ZBTB8A: variants seen among roughly 807,000 people sequenced by gnomAD.
ZBTB8A encodes zinc finger and BTB domain-containing protein 8A.
ZBTB8A carries 19 observed loss-of-function variants against 37.8 expected under a neutral mutation model. The observed-to-expected ratio is 0.50, with a 90% CI of 0.35 to 0.74. The LOEUF (loss-of-function observed/expected upper bound fraction) is 0.74. Ranked by LOEUF, ZBTB8A falls within the 30% of genes least tolerant of loss-of-function variation. The pLI is 0.01. For synonymous variants in ZBTB8A, 181 were observed against 185.2 expected, an observed-to-expected ratio of 0.98 and a Z score of 0.19; for missense variants, 394 against 537.8, an observed-to-expected ratio of 0.73 and a Z score of 2.65.
At chr1:32,594,500 C>A (rs139975007) in intron 3 of ZBTB8A, among the ~76,000 whole-genome samples, 60 of 151,788 alleles carry the variant, frequency 4.0e-4, no homozygotes, top group Admixed American at 1.2e-3. Flanking sequence ...CAGTGGCTCA[C>A]GCCTGTAATC....
intron 2 of ZBTB8A, among the ~76,000 whole-genome samples, chr1:32,592,502 T>A (rs942488976): frequency 9.2e-5 from 14 of 151,802 alleles, no homozygotes; most frequent in Admixed American, 3.3e-4. Context: ...TTTGTTTGTT[T>A]GTTTTTGGGG....
intron 3 of ZBTB8A, 89 bp from the exon 4 acceptor site, chr1:32,594,965 C>A (rs765580025): frequency 8.4e-7 from 1 of 1,193,054 alleles, no homozygotes; most frequent in Non-Finnish European, 1.1e-6. Context: ...TTTTTCTTTC[C>A]TTGTTTCCAT....
intron 1 of ZBTB8A, among the ~76,000 whole-genome samples, chr1:32,542,276 C>T (rs1247997149): frequency 1.6e-5 from 2 of 123,970 alleles, no homozygotes; most frequent in Non-Finnish European, 3.2e-5. Context: ...TCTTCCCAGC[C>T]GAGTGTGGTG....
chr1:32,541,849 A>G (rs953390055), intron 1 of ZBTB8A, among the ~76,000 whole-genome samples: 30 of 152,220 alleles, frequency 2.0e-4, no homozygotes, highest in African/African-American at 2.2e-4. Flanking sequence ...ATACCGTTGC[A>G]ATCGGGATGA....
intron 2 of ZBTB8A, among the ~76,000 whole-genome samples, chr1:32,561,625 G>A (rs1035842092): frequency 1.3e-5 from 2 of 151,950 alleles, no homozygotes; most frequent in Admixed American, 6.6e-5. Context: ...TGAACTCCTG[G>A]CCTCAAGCAG....
intron 2 of ZBTB8A, among the ~76,000 whole-genome samples, chr1:32,580,799 A>T (rs927913181): frequency 6.6e-6 from 1 of 151,864 alleles, no homozygotes; most frequent in Non-Finnish European, 1.5e-5. Context: ...TGGCTCACAG[A>T]TCTCATGCCA....
At chr1:32,599,776 G>A (rs1644561611) in intron 4 of ZBTB8A, among the ~76,000 whole-genome samples, 1 of 151,976 alleles carries the variant, frequency 6.6e-6, no homozygotes, top group Non-Finnish European at 1.5e-5. Context: ...ATGGCACATA[G>A]TGTTTGCAAT....
At chr1:32,584,328 T>C (rs1644429409) in intron 2 of ZBTB8A, among the ~76,000 whole-genome samples, 1 of 152,084 alleles carries the variant, frequency 6.6e-6, no homozygotes, top group South Asian at 2.1e-4. Flanking sequence ...TGTGGTACTT[T>C]GTTATGGCAG....
chr1:32,540,053 G>A (rs1169674556), intron 1 of ZBTB8A, among the ~76,000 whole-genome samples: 2 of 152,020 alleles, frequency 1.3e-5, no homozygotes, highest in Admixed American at 6.5e-5. Flanking sequence ...CAGGGCAGTA[G>A]CCCGAGTTTC....
intron 2 of ZBTB8A, among the ~76,000 whole-genome samples, chr1:32,592,581 A>G (rs1444834544): frequency 2.0e-5 from 3 of 151,000 alleles, no homozygotes; most frequent in Admixed American, 1.3e-4. Flanking sequence ...ATCTTGGCTC[A>G]CTGCAACCTC....
chr1:32,553,115 AGT>A (rs1265317123), intron 1 of ZBTB8A, among the ~76,000 whole-genome samples: 1 of 151,370 alleles, frequency 6.6e-6, no homozygotes, highest in Non-Finnish European at 1.5e-5. Context: ...GCTGGCATGC[AGT>A]GGCACAGTCT....
In ZBTB8A at chr1:32,600,498, T is replaced by C; in HGVS notation, c.*79T>C. 1.8e-6 allele frequency: 2 copies of C among 1,105,502 alleles called. No individual in the cohort carries two copies. The highest frequency in any genetic ancestry group is 2.6e-6 in the Non-Finnish European group (2 of 772,382). The allele number at this position is 1,105,502 out of a possible 1,614,324, so 68.5% of individuals were successfully genotyped here. A position where few individuals can be genotyped will look rare whatever the true frequency, so the allele number is the denominator to read the frequency against. ...TATCTCTCTCTTTCTATGGTCGGAG[T>C]CTAGTTAACAAATTTATCACACTGA... On this transcript the variant is annotated 3_prime_UTR_variant, in exon 5 of 5. Coordinates refer to ENST00000373510, the MANE Select transcript of ZBTB8A (RefSeq NM_001040441.3).
Position 32,593,713 on chromosome 1 carries a change from A to AGTAC in ZBTB8A, c.784_787dup (p.Gly263ValfsTer6). On this transcript the variant is annotated frameshift_variant, in exon 3 of 5. Transcript: ENST00000373510. LOFTEE classifies it high-confidence loss of function. ...ATGGACTCTACTCCTGTTGGCTATC[A>AGTAC]GTACGGTCAAGGATCTGATGTCACA... is the stretch of plus-strand genomic sequence containing the variant. The AGTAC allele has an allele frequency of 6.2e-7, 1 of 1,614,046 alleles. No individual in the cohort carries two copies. The highest frequency in any genetic ancestry group is 8.5e-7 in the Non-Finnish European group (1 of 1,179,976).
At chr1:32,590,378 T>A (rs551459245) in intron 2 of ZBTB8A, among the ~76,000 whole-genome samples, 1 of 152,178 alleles carries the variant, frequency 6.6e-6, no homozygotes, top group African/African-American at 2.4e-5. Flanking sequence ...AAAGACAAAC[T>A]TTTTTACCTT....
chr1:32,569,779 C>T (rs1385198827), intron 2 of ZBTB8A, among the ~76,000 whole-genome samples: 14 of 141,656 alleles, frequency 9.9e-5, no homozygotes, highest in Admixed American at 3.6e-4. Context: ...CATGCTATTT[C>T]TTTTTTTTTT....
intron 2 of ZBTB8A, among the ~76,000 whole-genome samples, chr1:32,562,531 A>G (rs573584658): frequency 6.7e-6 from 1 of 149,122 alleles, no homozygotes; most frequent in South Asian, 2.1e-4. Flanking sequence ...TCGGCCTCCT[A>G]AAGTGCTGGG....
At chr1:32,539,921 G>A (rs995182325) in intron 1 of ZBTB8A, among the ~76,000 whole-genome samples, 48 of 150,610 alleles carry the variant, frequency 3.2e-4, no homozygotes, top group Non-Finnish European at 6.2e-4. Flanking sequence ...ACTCTGGAGG[G>A]GCTCGGGCTG....
chr1:32,586,144 C>A (rs906699909), intron 2 of ZBTB8A, among the ~76,000 whole-genome samples: 3 of 151,598 alleles, frequency 2.0e-5, no homozygotes, highest in African/African-American at 7.3e-5. Context: ...AGGGAGAAAC[C>A]CCGTCTGTAC....
intron 2 of ZBTB8A, among the ~76,000 whole-genome samples, chr1:32,573,232 G>A (rs1379575441): frequency 4.7e-5 from 7 of 149,006 alleles, no homozygotes; most frequent in African/African-American, 1.5e-4. Flanking sequence ...CACCACACCC[G>A]GCTAATTTTT....
Sources: allele counts gnomAD v4.1 joint callset (sites outside exome capture counted in the v4.1 genomes callset), GRCh38; gene constraint gnomAD v4.1.1; transcripts MANE v1.5; gene names NCBI Gene and HGNC (gene_info 2026-07-23, HGNC 2026-07-21).